Variants in DOCK8 observed in about 807,000 individuals in gnomAD.
The protein encoded by DOCK8 is dedicator of cytokinesis protein 8.
In DOCK8, 141 loss-of-function variants were observed where a neutral mutation model predicts 245.6. That is an observed-to-expected ratio of 0.57 (90% confidence interval 0.50 to 0.66). The LOEUF is 0.66. Ranked by LOEUF, DOCK8 falls within the 30% of genes least tolerant of loss-of-function variation. DOCK8 has a pLI of 0.00. For missense variants in DOCK8, 2,965 were observed against 2,603.4 expected, an observed-to-expected ratio of 1.14 and a Z score of -3.02; for synonymous variants, 1,168 against 970.2, an observed-to-expected ratio of 1.20 and a Z score of -3.79.
chr9:386,256 A>G (rs1262075830), intron 22 of DOCK8, 75 bp from the exon 23 acceptor site: 1 of 1,240,490 alleles, frequency 8.1e-7, no homozygotes, highest in Non-Finnish European at 1.2e-6. Flanking sequence ...ATGAATTCTG[A>G]GGTTGTGATT....
chr9:450,852 T>A lies in DOCK8; in HGVS notation c.5961+925T>A, dbSNP rs75341393. Among the ~76,000 whole-genome samples the A allele has an allele frequency of 7.1e-4, 107 of 151,450 alleles. 1 individual carries two copies. The East Asian group carries it at 0.015, about 22-fold the overall frequency. On this transcript the variant is annotated intron_variant, in intron 45 of 47. Transcript: ENST00000432829. ...TATCTCTGACTCAATCCAGCAGTTA[T>A]GCAAAATGATGTTTGCCATGAAGGC...
At chr9:351,153 G>A (rs932209276) in intron 14 of DOCK8, among the ~76,000 whole-genome samples, 2 of 152,128 alleles carry the variant, frequency 1.3e-5, no homozygotes, top group East Asian at 1.9e-4. Flanking sequence ...GGGTTCCACC[G>A]GGATTTGCCT....
intron 1 of DOCK8, among the ~76,000 whole-genome samples, chr9:266,260 T>C (rs972978706): frequency 1.3e-5 from 2 of 152,120 alleles, no homozygotes; most frequent in African/African-American, 2.4e-5. Context: ...CCATATTATA[T>C]TGTAAGTATT....
chr9:437,713 T>C (rs1390098189), intron 39 of DOCK8, among the ~76,000 whole-genome samples: 4 of 152,238 alleles, frequency 2.6e-5, no homozygotes, highest in African/African-American at 9.6e-5. Flanking sequence ...TAAATAAATA[T>C]GTGCAAGGAA....
chr9:295,950 C>T (rs1432203604), intron 4 of DOCK8, among the ~76,000 whole-genome samples: 2 of 152,140 alleles, frequency 1.3e-5, no homozygotes, highest in African/African-American at 4.8e-5. Flanking sequence ...TTAAACCTAA[C>T]AGAGAAAGAT....
intron 1 of DOCK8, among the ~76,000 whole-genome samples, chr9:247,548 G>C (rs1043923819): frequency 2.0e-5 from 3 of 151,942 alleles, no homozygotes; most frequent in African/African-American, 7.3e-5. Flanking sequence ...TTGTTTGTTT[G>C]TTTGAGAGGG....
chr9:272,152 T>G (rs2048181868), intron 2 of DOCK8, among the ~76,000 whole-genome samples: 1 of 152,220 alleles, frequency 6.6e-6, no homozygotes, highest in African/African-American at 2.4e-5. Context: ...AATTTACATA[T>G]AATAAAATTC....
intron 1 of DOCK8, among the ~76,000 whole-genome samples, chr9:257,495 T>G (rs1318244194): frequency 6.6e-6 from 1 of 151,962 alleles, no homozygotes; most frequent in East Asian, 1.9e-4. Context: ...GGGCTTGTTT[T>G]TTGTTTGTTG....
At chr9:319,904 T>C (rs147428522) in intron 7 of DOCK8, among the ~76,000 whole-genome samples, 7 of 152,376 alleles carry the variant, frequency 4.6e-5, no homozygotes, top group Non-Finnish European at 7.3e-5. Context: ...GTCTTCTTGA[T>C]GGTGAAACTT....
chr9:352,507 G>A (rs1408777161), intron 14 of DOCK8, among the ~76,000 whole-genome samples: 1 of 152,070 alleles, frequency 6.6e-6, no homozygotes, highest in Admixed American at 6.6e-5. Flanking sequence ...ACTTTGGGAG[G>A]CCGAGGCGGG....
At chr9:298,664 A>C (rs1419164027) in intron 4 of DOCK8, among the ~76,000 whole-genome samples, 1 of 151,594 alleles carries the variant, frequency 6.6e-6, no homozygotes, top group Admixed American at 6.6e-5. Flanking sequence ...TCAGAGAGAG[A>C]GAGAGAGATG....
chr9:245,448 TCTG>T (rs2047485320), intron 1 of DOCK8, among the ~76,000 whole-genome samples: 1 of 152,150 alleles, frequency 6.6e-6, no homozygotes, highest in Non-Finnish European at 1.5e-5. Context: ...CCTCAGGTGA[TCTG>T]CCCTCCTCAG....
At chr9:441,249 A>G (rs751853843) in intron 40 of DOCK8, 37 bp from the exon 41 acceptor site, 2 of 1,613,838 alleles carry the variant, frequency 1.2e-6, no homozygotes, top group South Asian at 1.1e-5. Flanking sequence ...TTTCCAGTGG[A>G]TTAAATTCTC....
chr9:277,528 GAGACCCTGTCTCAGA>G (rs2048407872), intron 2 of DOCK8, among the ~76,000 whole-genome samples: 1 of 148,466 alleles, frequency 6.7e-6, no homozygotes, highest in African/African-American at 2.6e-5. Flanking sequence ...GAAGAGTTAG[GAGACCCTGTCTCAGA>G]GGAAAGGAGG....
intron 14 of DOCK8, among the ~76,000 whole-genome samples, chr9:360,948 C>T (rs1019387416): frequency 1.3e-5 from 2 of 152,040 alleles, no homozygotes; most frequent in Non-Finnish European, 2.9e-5. Flanking sequence ...CCACTTGAGC[C>T]CAGGAGTTCG....
intron 28 of DOCK8, among the ~76,000 whole-genome samples, chr9:411,795 C>T (rs1177005305): frequency 6.6e-6 from 1 of 152,118 alleles, no homozygotes; most frequent in African/African-American, 2.4e-5. Context: ...ACCTGAAAAT[C>T]AATTGTTGTA....
At position 334,053 on chromosome 9, in the gene DOCK8, G is replaced by T. The variant is rs189358154; in HGVS notation, c.1126-172G>T. 3.5e-3 allele frequency among the ~76,000 whole-genome samples: 533 copies of T among 152,152 alleles called. 2 individuals carry two copies. The highest frequency in any genetic ancestry group is 0.012 in the African/African-American group (485 of 41,496). ...TTATTTCCTTATCAGCTAGACCCAAGTGCATCATTTTTCTGCCTATTCACT... is the reference window on the plus strand; with the variant it reads ...TTATTTCCTTATCAGCTAGACCCAATTGCATCATTTTTCTGCCTATTCACT... On this transcript the variant is annotated intron_variant, in intron 10 of 47. Coordinates refer to ENST00000432829, the MANE Select transcript of DOCK8 (RefSeq NM_203447.4).
chr9:336,522 T>C (rs2051319309), intron 11 of DOCK8, 60 bp from the exon 12 acceptor site: 1 of 1,609,432 alleles, frequency 6.2e-7, no homozygotes. Context: ...GTGAAGTTAA[T>C]AACTGCTGTG....
At chr9:411,478 T>TG (rs2055726906) in intron 28 of DOCK8, among the ~76,000 whole-genome samples, 2 of 152,014 alleles carry the variant, frequency 1.3e-5, no homozygotes, top group East Asian at 1.9e-4. Flanking sequence ...AGCTCAAACC[T>TG]GGGGGGCTTT....
Sources: allele counts gnomAD v4.1 joint callset (sites outside exome capture counted in the v4.1 genomes callset), GRCh38; gene constraint gnomAD v4.1.1; transcripts MANE v1.5; gene names NCBI Gene and HGNC (gene_info 2026-07-23, HGNC 2026-07-21).